The following FAM185A variants were observed in gnomAD, a reference collection of about 807,000 sequenced individuals.
FAM185A encodes family with sequence similarity 185 member A, also known as protein FAM185A.
In FAM185A, 21 loss-of-function variants were observed where a neutral mutation model predicts 45.7. The ratio of observed to expected loss-of-function variants is 0.46; its 90% CI spans 0.33 to 0.66. The LOEUF (loss-of-function observed/expected upper bound fraction) is 0.66. FAM185A is among the 30% of genes least tolerant of loss of function. The pLI is 0.03. For synonymous variants in FAM185A, 117 were observed against 194.0 expected, an observed-to-expected ratio of 0.60 and a Z score of 3.30; for missense variants, 305 against 485.4, an observed-to-expected ratio of 0.63 and a Z score of 3.49.
chr7:102,758,232 C>T (rs2537456), intron 3 of FAM185A, among the ~76,000 whole-genome samples: 11 of 139,300 alleles, frequency 7.9e-5, no homozygotes, highest in African/African-American at 2.8e-4. Context: ...TTATTTTTAT[C>T]ATCATAGATT....
At chr7:102,827,733 GT>G in the FAM185A span, among the ~76,000 whole-genome samples, 4 of 151,902 alleles carry the variant, frequency 2.6e-5, no homozygotes, top group African/African-American at 7.3e-5. Flanking sequence ...GTGTCCATGT[GT>G]TCTCATTGTT....
intron 7 of FAM185A, among the ~76,000 whole-genome samples, chr7:102,791,629 C>T (rs1185876806): frequency 2.6e-5 from 4 of 152,184 alleles, no homozygotes; most frequent in African/African-American, 7.2e-5. Context: ...GATCAAGCAT[C>T]GTTTTGCAGA....
At chr7:102,766,343 T>G (rs1387218782) in intron 4 of FAM185A, among the ~76,000 whole-genome samples, 1 of 152,276 alleles carries the variant, frequency 6.6e-6, no homozygotes, top group African/African-American at 2.4e-5. Flanking sequence ...TGCTGAGTAT[T>G]AGTTCTCTCA....
the FAM185A span, among the ~76,000 whole-genome samples, chr7:102,829,200 C>T: frequency 1.3e-5 from 2 of 152,242 alleles, no homozygotes; most frequent in Admixed American, 6.5e-5. Flanking sequence ...AGCAGCTTTC[C>T]TGAGCCTTGG....
chr7:102,832,706 G>T, the FAM185A span: 2 of 1,100,636 alleles, frequency 1.8e-6, no homozygotes, highest in African/African-American at 1.6e-5. Flanking sequence ...TTTGAGGATA[G>T]AAGAAAAAAA....
the FAM185A span, among the ~76,000 whole-genome samples, chr7:102,820,298 T>C: frequency 6.6e-6 from 1 of 152,202 alleles, no homozygotes; most frequent in African/African-American, 2.4e-5. Flanking sequence ...CTGCTTCTTG[T>C]GCATAGGGAC....
At chr7:102,772,485 C>T (rs139761687) in intron 5 of FAM185A, 35 bp downstream of exon 5, 41,612 of 1,486,922 alleles carry the variant, frequency 0.028, 240 homozygotes, top group Non-Finnish European at 0.031. Context: ...GTATTTTGTC[C>T]ACTTTTAAAA....
intron 7 of FAM185A, among the ~76,000 whole-genome samples, chr7:102,805,448 T>C (rs4610658): frequency 0.23 from 35,630 of 151,696 alleles, 5,004 homozygotes; most frequent in African/African-American, 0.39. Context: ...CTAAACATCA[T>C]AGGCTCTCAC....
chr7:102,812,736 C>T (rs1349464845), downstream of FAM185A, among the ~76,000 whole-genome samples: 1 of 151,668 alleles, frequency 6.6e-6, no homozygotes, highest in African/African-American at 2.4e-5. Flanking sequence ...AGTCTCATCT[C>T]TCAGGGTTGT....
intron 6 of FAM185A, chr7:102,779,850 CTTTTTTTTTTTT>C (rs10537618): frequency 3.5e-3 from 119 of 34,274 alleles, no homozygotes; most frequent in Non-Finnish European, 5.4e-3. Context: ...CCACACCCAG[CTTTTTTTTTTTT>C]TTTTTTTTTT....
At chr7:102,836,165 A>C in the FAM185A span, among the ~76,000 whole-genome samples, 1 of 152,218 alleles carries the variant, frequency 6.6e-6, no homozygotes, top group Non-Finnish European at 1.5e-5. Flanking sequence ...TATTCTTTAA[A>C]GACAAATGTT....
intron 7 of FAM185A, among the ~76,000 whole-genome samples, chr7:102,792,644 G>A (rs1049117854): frequency 3.2e-5 from 4 of 123,814 alleles, no homozygotes; most frequent in Non-Finnish European, 6.7e-5. Context: ...GGTAAAGTGC[G>A]TTGCCAGTGA....
In FAM185A at chr7:102,778,636, A is replaced by G. The variant is rs531256181; in HGVS notation, c.931+1288A>G. The stretch of plus-strand genomic sequence containing the variant: ...AATATTGCTGGAACAATATTGGAAT[A>G]GTATTTGAAACTATTGAAATAGTAT... On this transcript the variant is annotated intron_variant, in intron 6 of 7. Transcript: ENST00000413034. Among the ~76,000 whole-genome samples, 3 of 152,296 alleles carry G rather than the reference A, an allele frequency of 2.0e-5. No homozygotes were observed. In the East Asian group the frequency reaches 5.8e-4, roughly 29 times the overall value.
intron 2 of FAM185A, among the ~76,000 whole-genome samples, chr7:102,754,497 T>G (rs1482666290): frequency 9.8e-5 from 15 of 152,288 alleles, no homozygotes; most frequent in Non-Finnish European, 1.9e-4. Context: ...AATAAAATTT[T>G]TATAGCAATA....
the FAM185A span, among the ~76,000 whole-genome samples, chr7:102,834,089 A>AGG: frequency 4.5e-4 from 31 of 68,546 alleles, 1 homozygote; most frequent in African/African-American, 1.8e-3. Flanking sequence ...AGGAAAGAAA[A>AGG]GAAAGAAAGA....
chr7:102,840,056 G>C, the FAM185A span, among the ~76,000 whole-genome samples: 24 of 152,078 alleles, frequency 1.6e-4, no homozygotes, highest in African/African-American at 5.8e-4. Flanking sequence ...AAAAATAAAG[G>C]AATTATCTTT....
chr7:102,767,386 A>G (rs1356296989), intron 4 of FAM185A, among the ~76,000 whole-genome samples: 2 of 151,826 alleles, frequency 1.3e-5, no homozygotes, highest in African/African-American at 4.8e-5. Flanking sequence ...TTTGGACAAA[A>G]TATTTTCAAA....
chr7:102,786,510 G>T (rs1795805808), intron 6 of FAM185A, among the ~76,000 whole-genome samples: 1 of 152,190 alleles, frequency 6.6e-6, no homozygotes, highest in Non-Finnish European at 1.5e-5. Context: ...AAAAAAGGAT[G>T]AGTTCATGTC....
intron 2 of FAM185A, among the ~76,000 whole-genome samples, chr7:102,754,110 A>G (rs549205686): frequency 6.6e-6 from 1 of 152,358 alleles, no homozygotes; most frequent in East Asian, 1.9e-4. Context: ...TCGTACAATA[A>G]TATCATTACC....
Sources: allele counts gnomAD v4.1 joint callset (sites outside exome capture counted in the v4.1 genomes callset), GRCh38; gene constraint gnomAD v4.1.1; transcripts MANE v1.5; gene names NCBI Gene and HGNC (gene_info 2026-07-23, HGNC 2026-07-21).